EXOC6B: variants seen among roughly 807,000 people sequenced by gnomAD.
EXOC6B encodes the protein SEC15 homolog B.
EXOC6B carries 54 observed loss-of-function variants against 113.5 expected under a neutral mutation model. The ratio of observed to expected loss-of-function variants is 0.48; its 90% CI spans 0.38 to 0.60. The LOEUF (loss-of-function observed/expected upper bound fraction) is 0.60. Among genes scored for constraint, EXOC6B ranks in the 20% least tolerant of loss-of-function variants. EXOC6B has a pLI of 0.00. For missense variants in EXOC6B, 797 were observed against 977.5 expected (o/e 0.82, Z 2.46); for synonymous variants, 357 against 339.0 (o/e 1.05, Z -0.58).
intron 11 of EXOC6B, among the ~76,000 whole-genome samples, chr2:72,510,253 T>C (rs185023589): frequency 4.8e-4 from 73 of 152,292 alleles, no homozygotes; most frequent in Non-Finnish European, 8.5e-4. Flanking sequence ...GAAATAGGCA[T>C]TCTAGTAGAT....
At chr2:72,464,725 G>A (rs968857998) in intron 18 of EXOC6B, 1 of 164,986 alleles carries the variant, frequency 6.1e-6, no homozygotes, top group Non-Finnish European at 1.3e-5. Context: ...TAATTAATAT[G>A]CTTAAGAAAA....
chr2:72,550,192 T>C (rs564706375), intron 8 of EXOC6B, among the ~76,000 whole-genome samples: 1 of 152,260 alleles, frequency 6.6e-6, no homozygotes, highest in Middle Eastern at 3.4e-3. Flanking sequence ...CAAACATTTA[T>C]ATTAAGTAAT....
At chr2:72,398,214 C>T (rs1467251462) in intron 18 of EXOC6B, among the ~76,000 whole-genome samples, 3 of 152,196 alleles carry the variant, frequency 2.0e-5, no homozygotes, top group African/African-American at 4.8e-5. Context: ...CTTTTCCTAA[C>T]AGCCTTGAGT....
At chr2:72,585,815 C>T (rs1348234057) in intron 6 of EXOC6B, among the ~76,000 whole-genome samples, 1 of 151,748 alleles carries the variant, frequency 6.6e-6, no homozygotes. Context: ...AAAAACCTAC[C>T]AACCTAAAAA....
intron 7 of EXOC6B, among the ~76,000 whole-genome samples, chr2:72,566,418 T>A (rs1258358475): frequency 1.3e-5 from 2 of 152,156 alleles, no homozygotes; most frequent in Non-Finnish European, 2.9e-5. Context: ...AGTTCATTTA[T>A]CCCTTCATGC....
chr2:72,714,368 A>G (rs1177267413), intron 6 of EXOC6B, among the ~76,000 whole-genome samples: 1 of 152,218 alleles, frequency 6.6e-6, no homozygotes, highest in Admixed American at 6.5e-5. Flanking sequence ...GGAACCTATA[A>G]TAAGTGAATA....
chr2:72,364,082 A>G (rs1321802955), intron 19 of EXOC6B, among the ~76,000 whole-genome samples: 1 of 152,154 alleles, frequency 6.6e-6, no homozygotes, highest in Non-Finnish European at 1.5e-5. Flanking sequence ...TACCTCATGC[A>G]CACACCACTG....
chr2:72,428,078 A>G lies in EXOC6B; in HGVS notation c.1980+37082T>C, dbSNP rs370321475. On this transcript the variant is annotated intron_variant, in intron 18 of 21. Coordinates refer to ENST00000272427, the MANE Select transcript of EXOC6B (RefSeq NM_015189.3). ...TATAGAAATGAGCTGTACCCCGTAG[A>G]TCTCCTCTGAGCTGTTCTATCACTC... Among the ~76,000 whole-genome samples, 10 of 152,222 alleles carry G rather than the reference A, an allele frequency of 6.6e-5. 1 individual carries two copies. In the East Asian group the frequency reaches 1.9e-3, roughly 29 times the overall value.
At chr2:72,455,182 T>C (rs116341375) in intron 18 of EXOC6B, among the ~76,000 whole-genome samples, 1 of 152,306 alleles carries the variant, frequency 6.6e-6, no homozygotes, top group Non-Finnish European at 1.5e-5. Context: ...GAAACTTCTT[T>C]ATTTTGTTCC....
chr2:72,544,730 G>C (rs2105800720), intron 8 of EXOC6B, among the ~76,000 whole-genome samples: 1 of 152,144 alleles, frequency 6.6e-6, no homozygotes, highest in South Asian at 2.1e-4. Context: ...TACAAATACA[G>C]CTCCAGAAAT....
At chr2:72,446,296 T>G (rs924259893) in intron 18 of EXOC6B, among the ~76,000 whole-genome samples, 2 of 151,780 alleles carry the variant, frequency 1.3e-5, no homozygotes, top group African/African-American at 4.8e-5. Flanking sequence ...GGAGAATCAC[T>G]TGAACCCAGG....
intron 6 of EXOC6B, among the ~76,000 whole-genome samples, chr2:72,638,641 C>G (rs920395114): frequency 4.6e-5 from 7 of 152,180 alleles, no homozygotes; most frequent in African/African-American, 1.7e-4. Flanking sequence ...CATCATGGGT[C>G]TCTGGAACCC....
At position 72,236,447 on chromosome 2, in the gene EXOC6B, T is replaced by A. The variant is rs11695119; in HGVS notation, c.2197-52260A>T. Among the ~76,000 whole-genome samples the A allele has an allele frequency of 3.9e-3, 587 of 152,310 alleles. 2 individuals carry two copies. The highest frequency in any genetic ancestry group is 6.5e-3 in the Non-Finnish European group (440 of 68,026). On this transcript the variant is annotated intron_variant, in intron 20 of 21. Coordinates refer to ENST00000272427, the MANE Select transcript of EXOC6B (RefSeq NM_015189.3). ...TGTCATTACTATCTTTAATTTAGAT[T>A]TCCAAAATCGCCAAATATTTGGTTT...
At chr2:72,641,118 C>A (rs1253303587) in intron 6 of EXOC6B, among the ~76,000 whole-genome samples, 1 of 152,198 alleles carries the variant, frequency 6.6e-6, no homozygotes, top group African/African-American at 2.4e-5. Flanking sequence ...CGAATAGGAG[C>A]AGCTCCAGTC....
intron 11 of EXOC6B, among the ~76,000 whole-genome samples, chr2:72,501,276 T>G (rs1039012737): frequency 6.6e-6 from 1 of 152,072 alleles, no homozygotes; most frequent in Non-Finnish European, 1.5e-5. Flanking sequence ...TCCCCTGAGG[T>G]AATGAGTTCA....
At chr2:72,376,900 A>G (rs1253764738) in intron 19 of EXOC6B, among the ~76,000 whole-genome samples, 1 of 146,420 alleles carries the variant, frequency 6.8e-6, no homozygotes, top group Non-Finnish European at 1.5e-5. Flanking sequence ...GTTAGAAGGC[A>G]TTTTTTTTTT....
chr2:72,568,656 T>C (rs1257359486), intron 7 of EXOC6B, among the ~76,000 whole-genome samples: 3 of 152,096 alleles, frequency 2.0e-5, no homozygotes, highest in Non-Finnish European at 4.4e-5. Context: ...ACCATATGTG[T>C]AACTTTTCTG....
chr2:72,723,669 G>C lies in EXOC6B; in HGVS notation c.465-5362C>G, dbSNP rs567332267. On this transcript the variant is annotated intron_variant, in intron 5 of 21. Transcript: ENST00000272427. ...AATACGTAATTTCTTCTGTGCGCTA[G>C]AGATAGAAAGATGTTCAGATGTCTT... Among the ~76,000 whole-genome samples the C allele has an allele frequency of 2.3e-4, 34 of 149,906 alleles. 1 individual carries two copies. Among genetic ancestry groups the C allele is most frequent in the African/African-American group, 8.1e-4 (33 of 40,740 alleles).
At chr2:72,601,176 G>GTGTA (rs1553450422) in intron 6 of EXOC6B, among the ~76,000 whole-genome samples, 52 of 147,638 alleles carry the variant, frequency 3.5e-4, no homozygotes, top group African/African-American at 1.2e-3. Flanking sequence ...GTGTGTGTGT[G>GTGTA]TATATCTTTT....
Sources: allele counts gnomAD v4.1 joint callset (sites outside exome capture counted in the v4.1 genomes callset), GRCh38; gene constraint gnomAD v4.1.1; transcripts MANE v1.5; gene names NCBI Gene and HGNC (gene_info 2026-07-23, HGNC 2026-07-21).